COL21A1: variants seen among roughly 807,000 people sequenced by gnomAD.
The protein encoded by COL21A1 is collagen type XXI alpha 1 chain, also known as collagen alpha-1(XXI) chain.
Under a neutral mutation model 137.9 loss-of-function variants are expected in COL21A1, and 149 were observed. That is an observed-to-expected ratio of 1.08 (90% CI 0.95 to 1.24). The LOEUF (loss-of-function observed/expected upper bound fraction) is 1.24. Ranked by LOEUF, COL21A1 falls within the 50% of genes most tolerant of loss-of-function variation. The pLI is 0.00. For missense variants in COL21A1, 1,167 were observed against 1,158.4 expected (o/e 1.01, Z -0.11); for synonymous variants, 456 against 391.5 (o/e 1.16, Z -1.95).
intron 17 of COL21A1, among the ~76,000 whole-genome samples, chr6:56,085,344 T>A (rs1212918843): frequency 6.6e-6 from 1 of 152,118 alleles, no homozygotes. Context: ...TGCATATAGA[T>A]GTATTTTTGT....
At chr6:56,116,715 T>C (rs964267617) in intron 16 of COL21A1, among the ~76,000 whole-genome samples, 3 of 151,806 alleles carry the variant, frequency 2.0e-5, no homozygotes, top group African/African-American at 7.2e-5. Flanking sequence ...GACTAAATAA[T>C]GAACCAATCA....
At chr6:56,392,396 G>A (rs1302496504) in intron 1 of COL21A1, among the ~76,000 whole-genome samples, 2 of 151,974 alleles carry the variant, frequency 1.3e-5, no homozygotes, top group African/African-American at 4.8e-5. Context: ...CATATCGAAG[G>A]GGGAAAAACT....
Position 56,179,912 on chromosome 6 carries a change from T to A in COL21A1, c.306A>T (p.Ala102=), listed in dbSNP as rs1273092802. Residue 102 remains alanine, a synonymous_variant, in exon 3 of 30, where the codon GCA becomes GCT. Transcript: ENST00000244728. ...CTAAGTAGAGTATGGATTCCACTGC[T>A]GCCGTCAAATGTTCTCCTGAATCAT... ...GSYDSGEHLT[A]AVESILYLGG... The A allele has an allele frequency of 3.7e-6, 6 of 1,613,850 alleles. No individual in the cohort carries two copies. In the Admixed American group the frequency reaches 1.0e-4, roughly 27 times the overall value.
chr6:56,341,647 A>G (rs746760442), intron 1 of COL21A1, among the ~76,000 whole-genome samples: 3 of 152,228 alleles, frequency 2.0e-5, no homozygotes, highest in Non-Finnish European at 1.5e-5. Flanking sequence ...ATGCTATTAC[A>G]ATGATGGATA....
In COL21A1 at chr6:56,097,647, C is replaced by T. The variant is rs548619895; in HGVS notation, c.1812+3825G>A. ...AAGTCTTGAATAAAGTGGGAGCAGG[C>T]AGGGCAAAAACAAACCCAAATCAGT... is the stretch of plus-strand genomic sequence containing the variant. On this transcript the variant is annotated intron_variant, in intron 17 of 29. Coordinates refer to ENST00000244728, the MANE Select transcript of COL21A1 (RefSeq NM_030820.4). Among the ~76,000 whole-genome samples, 4 of 149,192 alleles carry T rather than the reference C, an allele frequency of 2.7e-5. No homozygotes were observed. The East Asian group carries it at 7.8e-4, about 29-fold the overall frequency.
chr6:56,294,914 T>C (rs1170000549), intron 1 of COL21A1, among the ~76,000 whole-genome samples: 1 of 152,034 alleles, frequency 6.6e-6, no homozygotes, highest in South Asian at 2.1e-4. Flanking sequence ...CTTAAAAGTG[T>C]CTTTCACAAA....
chr6:56,348,755 G>C (rs1765646422), intron 1 of COL21A1, among the ~76,000 whole-genome samples: 2 of 152,364 alleles, frequency 1.3e-5, no homozygotes, highest in South Asian at 2.1e-4. Context: ...ACTGGGATTA[G>C]ATAACAGGGC....
intron 6 of COL21A1, 107 bp downstream of exon 6, chr6:56,168,017 G>A: frequency 1.3e-6 from 1 of 761,646 alleles, no homozygotes; most frequent in Non-Finnish European, 1.9e-6. Flanking sequence ...ACAACTTAAG[G>A]GAATTCATAA....
intron 1 of COL21A1, among the ~76,000 whole-genome samples, chr6:56,353,953 ATG>A (rs1276493660): frequency 6.6e-6 from 1 of 152,246 alleles, no homozygotes; most frequent in Non-Finnish European, 1.5e-5. Flanking sequence ...TATAATTATT[ATG>A]TGTCAATTAA....
intron 1 of COL21A1, among the ~76,000 whole-genome samples, chr6:56,288,723 A>T (rs1562041148): frequency 1.3e-5 from 2 of 152,252 alleles, no homozygotes. Flanking sequence ...ACCAGTTAGC[A>T]CTTTAATGAT....
intron 1 of COL21A1, among the ~76,000 whole-genome samples, chr6:56,383,398 A>C (rs552035406): frequency 5.4e-4 from 82 of 152,194 alleles, no homozygotes; most frequent in Non-Finnish European, 3.8e-4. Flanking sequence ...GGGAGACACA[A>C]ATATTCATTC....
intron 1 of COL21A1, among the ~76,000 whole-genome samples, chr6:56,340,616 T>C (rs1765442429): frequency 1.2e-5 from 1 of 84,036 alleles, no homozygotes. Flanking sequence ...ACTAGACCTT[T>C]AAATTCAGAG....
At chr6:56,373,253 A>G (rs1464394981) in intron 1 of COL21A1, among the ~76,000 whole-genome samples, 2 of 152,192 alleles carry the variant, frequency 1.3e-5, no homozygotes, top group African/African-American at 4.8e-5. Context: ...TGGCCACCCT[A>G]GGGATTCCAT....
At chr6:56,101,577 T>C in intron 16 of COL21A1, 52 bp from the exon 17 acceptor site, 1 of 1,286,050 alleles carries the variant, frequency 7.8e-7, no homozygotes, top group Non-Finnish European at 1.1e-6. Flanking sequence ...GAGGTCTGCT[T>C]ACCAAAATAA....
At chr6:56,282,752 ATAT>A (rs56187223) in intron 1 of COL21A1, among the ~76,000 whole-genome samples, 36,471 of 151,954 alleles carry the variant, frequency 0.24, 5,694 homozygotes, top group East Asian at 0.67. Flanking sequence ...GCAAAGACAC[ATAT>A]TATCTACACA....
chr6:56,084,448 A>G (rs1483788251), intron 17 of COL21A1, among the ~76,000 whole-genome samples: 1 of 151,934 alleles, frequency 6.6e-6, no homozygotes, highest in East Asian at 1.9e-4. Flanking sequence ...ATGAGTAACA[A>G]TTGTTACTGC....
intron 1 of COL21A1, among the ~76,000 whole-genome samples, chr6:56,369,448 T>TAA (rs147975356): frequency 1.3e-5 from 2 of 151,184 alleles, no homozygotes; most frequent in African/African-American, 2.4e-5. Flanking sequence ...AAAATATTGA[T>TAA]AAAAAAAGTG....
chr6:56,170,531 A>G (rs1011368697), intron 5 of COL21A1, 118 bp downstream of exon 5: 1 of 710,902 alleles, frequency 1.4e-6, no homozygotes, highest in African/African-American at 1.8e-5. Context: ...ATTAAAATTT[A>G]AAGTAAAAAT....
intron 25 of COL21A1, 61 bp downstream of exon 25, chr6:56,061,588 A>T (rs1765802685): frequency 2.5e-6 from 3 of 1,206,086 alleles, no homozygotes. Context: ...ATAGTATTGA[A>T]ACCCAAGCAA....
Sources: gnomAD v4.1 joint callset for allele counts (sites outside exome capture counted in the v4.1 genomes callset) on GRCh38, gnomAD v4.1.1 for gene constraint, MANE v1.5 for transcripts, NCBI Gene and HGNC (gene_info 2026-07-23, HGNC 2026-07-21) for gene names.